The following PTPRD variants were observed in gnomAD, a reference collection of about 807,000 sequenced individuals.
PTPRD encodes the protein protein tyrosine phosphatase receptor type D, also known as receptor-type tyrosine-protein phosphatase delta.
Under a neutral mutation model 214.5 loss-of-function variants are expected in PTPRD, and 34 were observed. That is an observed-to-expected ratio of 0.16 (90% CI 0.12 to 0.21). PTPRD has a LOEUF of 0.21. PTPRD is among the 10% of genes least tolerant of loss of function. The pLI, the probability that PTPRD is intolerant of heterozygous loss-of-function variation, is 1.00. For missense variants in PTPRD, 2,545 were observed against 2,398.7 expected, an observed-to-expected ratio of 1.06 and a Z score of -1.27; for synonymous variants, 1,128 against 845.7, an observed-to-expected ratio of 1.33 and a Z score of -5.79.
intron 4 of PTPRD, among the ~76,000 whole-genome samples, chr9:10,010,384 A>G (rs2096572311): frequency 6.6e-6 from 1 of 151,732 alleles, no homozygotes; most frequent in Non-Finnish European, 1.5e-5. Flanking sequence ...TCAGATTTTC[A>G]GTAATGTCTG....
intron 2 of PTPRD, among the ~76,000 whole-genome samples, chr9:10,453,698 T>C (rs369382713): frequency 3.3e-5 from 5 of 151,632 alleles, no homozygotes; most frequent in Non-Finnish European, 3.0e-5. Context: ...TTATTTTTTT[T>C]TGTGGGGGTG....
At chr9:10,163,747 A>C (rs1010990961) in intron 3 of PTPRD, among the ~76,000 whole-genome samples, 1 of 151,472 alleles carries the variant, frequency 6.6e-6, no homozygotes, top group Admixed American at 6.6e-5. Context: ...AATCCTCTTC[A>C]AAAATATATT....
intron 36 of PTPRD, among the ~76,000 whole-genome samples, chr9:8,401,762 T>C (rs2092426806): frequency 6.6e-6 from 1 of 152,202 alleles, no homozygotes; most frequent in African/African-American, 2.4e-5. Flanking sequence ...CCAGTTTTTG[T>C]TGTTCTAATG....
chr9:8,731,970 T>G (rs181098231), intron 12 of PTPRD, among the ~76,000 whole-genome samples: 1 of 152,276 alleles, frequency 6.6e-6, no homozygotes, highest in African/African-American at 2.4e-5. Flanking sequence ...ATCTTAAGGT[T>G]GAAAGCTGGT....
chr9:10,542,721 T>A (rs186598040), intron 2 of PTPRD, among the ~76,000 whole-genome samples: 299 of 152,110 alleles, frequency 2.0e-3, no homozygotes, highest in Non-Finnish European at 3.2e-3. Flanking sequence ...AATTAACTAA[T>A]TTATTTATTT....
At chr9:10,500,883 T>C (rs1247087770) in intron 2 of PTPRD, among the ~76,000 whole-genome samples, 3 of 151,882 alleles carry the variant, frequency 2.0e-5, no homozygotes, top group Admixed American at 6.6e-5. Context: ...CAGAATATCA[T>C]TTTGAATAGT....
At chr9:8,858,650 AGT>A (rs1174917867) in intron 11 of PTPRD, among the ~76,000 whole-genome samples, 3 of 150,714 alleles carry the variant, frequency 2.0e-5, no homozygotes, top group African/African-American at 7.3e-5. Flanking sequence ...CCTGCGCGTG[AGT>A]GTGAGTGTGG....
chr9:9,865,845 G>A (rs1212803953), intron 5 of PTPRD, among the ~76,000 whole-genome samples: 1 of 152,198 alleles, frequency 6.6e-6, no homozygotes, highest in Non-Finnish European at 1.5e-5. Flanking sequence ...TCTTTTCAAA[G>A]CAAGTCTCAT....
At chr9:8,773,551 G>A (rs2095329710) in intron 11 of PTPRD, among the ~76,000 whole-genome samples, 1 of 152,132 alleles carries the variant, frequency 6.6e-6, no homozygotes, top group African/African-American at 2.4e-5. Context: ...TCACACAGGA[G>A]AATAAATTGG....
chr9:8,559,419 C>T (rs2085281190), intron 14 of PTPRD, among the ~76,000 whole-genome samples: 1 of 152,158 alleles, frequency 6.6e-6, no homozygotes, highest in Non-Finnish European at 1.5e-5. Context: ...GTATCATGTG[C>T]AATCAAATTT....
chr9:8,407,950 C>T (rs1200270427), intron 35 of PTPRD, among the ~76,000 whole-genome samples: 1 of 152,140 alleles, frequency 6.6e-6, no homozygotes, highest in Non-Finnish European at 1.5e-5. Flanking sequence ...ATACTAAGAT[C>T]TTTCATATTT....
intron 14 of PTPRD, among the ~76,000 whole-genome samples, chr9:8,599,089 A>G (rs1270986965): frequency 1.3e-5 from 2 of 152,090 alleles, no homozygotes; most frequent in Admixed American, 1.3e-4. Flanking sequence ...AGCTGTTCTC[A>G]TGAGACTTAA....
At chr9:10,563,580 T>C (rs1171816591) in intron 2 of PTPRD, among the ~76,000 whole-genome samples, 1 of 152,182 alleles carries the variant, frequency 6.6e-6, no homozygotes, top group Non-Finnish European at 1.5e-5. Context: ...AATATATTTA[T>C]TTCAATGTAG....
intron 3 of PTPRD, among the ~76,000 whole-genome samples, chr9:10,145,689 A>G (rs1029129247): frequency 6.7e-6 from 1 of 148,748 alleles, no homozygotes; most frequent in Non-Finnish European, 1.5e-5. Context: ...TAACCTCTGC[A>G]TTGTACAAGA....
chr9:10,011,095 A>C (rs138200199), intron 4 of PTPRD, among the ~76,000 whole-genome samples: 455 of 152,068 alleles, frequency 3.0e-3, no homozygotes, highest in African/African-American at 0.011. Context: ...GTCATTCTCC[A>C]CAATCCCTTC....
intron 10 of PTPRD, among the ~76,000 whole-genome samples, chr9:9,064,365 T>C (rs1226970503): frequency 1.3e-5 from 2 of 152,180 alleles, no homozygotes; most frequent in Non-Finnish European, 2.9e-5. Context: ...AGGATTTCTT[T>C]ATAAGGTTAA....
chr9:9,492,248 TA>T (rs982665039), intron 8 of PTPRD, among the ~76,000 whole-genome samples: 18 of 115,330 alleles, frequency 1.6e-4, no homozygotes, highest in Non-Finnish European at 1.7e-4. Flanking sequence ...GTATCAATAA[TA>T]AAAAAAAAAC....
intron 2 of PTPRD, among the ~76,000 whole-genome samples, chr9:10,535,013 T>C (rs1379332609): frequency 1.3e-5 from 2 of 152,196 alleles, no homozygotes; most frequent in African/African-American, 4.8e-5. Flanking sequence ...AATGGATGTA[T>C]GAGCTTTGCT....
At chr9:8,710,820 T>C (rs1271374992) in intron 12 of PTPRD, among the ~76,000 whole-genome samples, 1 of 152,190 alleles carries the variant, frequency 6.6e-6, no homozygotes, top group African/African-American at 2.4e-5. Context: ...ATGAAGGGCC[T>C]TCAAACATTT....
Sources: allele counts gnomAD v4.1 joint callset (sites outside exome capture counted in the v4.1 genomes callset), GRCh38; gene constraint gnomAD v4.1.1; transcripts MANE v1.5; gene names NCBI Gene and HGNC (gene_info 2026-07-23, HGNC 2026-07-21).